FMNL2: variants seen among roughly 807,000 people sequenced by gnomAD.
The protein encoded by FMNL2 is formin-like protein 2.
In FMNL2, 51 loss-of-function variants were observed where a neutral mutation model predicts 130.2. The ratio of observed to expected loss-of-function variants is 0.39; its 90% CI spans 0.31 to 0.49. FMNL2 has a LOEUF of 0.49. Ranked by LOEUF, FMNL2 falls within the 20% of genes least tolerant of loss-of-function variation. The probability of loss-of-function intolerance (pLI) is 0.85; values close to 1 mark genes in which losing one functional copy is unlikely to be tolerated. For synonymous variants in FMNL2, 465 were observed against 467.1 expected (o/e 1.00, Z 0.06); for missense variants, 977 against 1,316.2 (o/e 0.74, Z 3.99).
At position 152,478,064 on chromosome 2, in the gene FMNL2, C is replaced by A. The variant is rs79890409; in HGVS notation, c.118-43879C>A. 5.7e-3 allele frequency among the ~76,000 whole-genome samples: 864 copies of A among 151,470 alleles called. 9 individuals carry two copies. The highest frequency in any genetic ancestry group is 0.02 in the African/African-American group (813 of 41,244). On this transcript the variant is annotated intron_variant, in intron 1 of 25. Transcript: ENST00000288670. ...TTTAAATAGCAGAATCTTTGTTACC[C>A]AAATTAAAAGTTACACAGAACCACA...
At chr2:152,475,521 G>T (rs1475767148) in intron 1 of FMNL2, among the ~76,000 whole-genome samples, 1 of 151,908 alleles carries the variant, frequency 6.6e-6, no homozygotes. Flanking sequence ...TTGAGACAGA[G>T]TCTTGCTCTG....
intron 1 of FMNL2, among the ~76,000 whole-genome samples, chr2:152,519,270 CAT>C (rs1692943019): frequency 6.6e-6 from 1 of 152,192 alleles, no homozygotes; most frequent in African/African-American, 2.4e-5. Context: ...TTGTTTGTTT[CAT>C]ATGTGTCTCC....
intron 1 of FMNL2, among the ~76,000 whole-genome samples, chr2:152,340,060 C>T (rs575169639): frequency 1.3e-5 from 2 of 152,050 alleles, no homozygotes; most frequent in South Asian, 2.1e-4. Flanking sequence ...GTGGCTTGCA[C>T]CTGTAGTCCC....
Position 152,647,967 on chromosome 2 carries a change from A to G in FMNL2, c.*62A>G. The G allele has an allele frequency of 7.5e-7, 1 of 1,334,034 alleles. No homozygotes were observed. Among genetic ancestry groups the G allele is most frequent in the Non-Finnish European group, 1.0e-6 (1 of 961,530 alleles). The allele number at this position is 1,334,034 out of a possible 1,614,324, so 82.6% of individuals were successfully genotyped here. On this transcript the variant is annotated 3_prime_UTR_variant, in exon 26 of 26. Coordinates refer to ENST00000288670, the MANE Select transcript of FMNL2 (RefSeq NM_052905.4). ...GAATGAAACTGCCCACATGAACTTT[A>G]TGTGCTACGATTTAACTGCAGCCTT...
chr2:152,350,238 G>A (rs1682400050), intron 1 of FMNL2, among the ~76,000 whole-genome samples: 1 of 152,126 alleles, frequency 6.6e-6, no homozygotes, highest in Admixed American at 6.5e-5. Flanking sequence ...TGGTTCAGGA[G>A]CAGTTTCCAG....
chr2:152,454,715 G>A (rs560694548), intron 1 of FMNL2, among the ~76,000 whole-genome samples: 22 of 152,268 alleles, frequency 1.4e-4, no homozygotes, highest in Admixed American at 6.5e-4. Context: ...TCAAGGCCTA[G>A]TTCTTCAAGG....
chr2:152,573,714 T>A (rs551092510), intron 6 of FMNL2, among the ~76,000 whole-genome samples: 79 of 152,334 alleles, frequency 5.2e-4, no homozygotes, highest in African/African-American at 1.8e-3. Flanking sequence ...TATAAACAAA[T>A]AATTGGAGAA....
intron 13 of FMNL2, among the ~76,000 whole-genome samples, chr2:152,617,397 G>C (rs980580080): frequency 6.6e-6 from 1 of 152,188 alleles, no homozygotes; most frequent in Non-Finnish European, 1.5e-5. Flanking sequence ...AGATACTGGG[G>C]GTTCAGTATT....
chr2:152,339,956 G>C (rs1416171871), intron 1 of FMNL2, among the ~76,000 whole-genome samples: 19 of 152,126 alleles, frequency 1.2e-4, no homozygotes, highest in Non-Finnish European at 7.4e-5. Context: ...TGAGGTGAGA[G>C]GATCACTTGA....
intron 9 of FMNL2, among the ~76,000 whole-genome samples, chr2:152,591,223 C>T (rs1673797152): frequency 6.6e-6 from 1 of 151,874 alleles, no homozygotes; most frequent in Admixed American, 6.6e-5. Flanking sequence ...ATTGGCCAGA[C>T]TGGTCTCGAA....
At chr2:152,403,313 G>A (rs558366416) in intron 1 of FMNL2, among the ~76,000 whole-genome samples, 79 of 152,066 alleles carry the variant, frequency 5.2e-4, no homozygotes, top group African/African-American at 1.8e-3. Flanking sequence ...TGTGTACAGC[G>A]TACACTTGAG....
chr2:152,408,869 T>C (rs1056665208), intron 1 of FMNL2, among the ~76,000 whole-genome samples: 2 of 152,224 alleles, frequency 1.3e-5, no homozygotes, highest in Admixed American at 6.5e-5. Context: ...ATATCGCTTT[T>C]GCACCATTGT....
intron 1 of FMNL2, among the ~76,000 whole-genome samples, chr2:152,355,311 G>A (rs1682720970): frequency 6.6e-6 from 1 of 152,192 alleles, no homozygotes; most frequent in African/African-American, 2.4e-5. Flanking sequence ...GGAGTTAGAT[G>A]ATATCTTTTT....
chr2:152,484,663 G>A (rs1440262821), intron 1 of FMNL2, among the ~76,000 whole-genome samples: 1 of 152,246 alleles, frequency 6.6e-6, no homozygotes, highest in African/African-American at 2.4e-5. Context: ...TCAGGAGGCT[G>A]AGATGGGAGG....
chr2:152,537,444 G>A (rs1043190791), intron 2 of FMNL2, among the ~76,000 whole-genome samples: 1 of 152,220 alleles, frequency 6.6e-6, no homozygotes, highest in African/African-American at 2.4e-5. Context: ...GTATGGTTAT[G>A]AAAGGCATTA....
At chr2:152,471,657 C>A (rs138197931) in intron 1 of FMNL2, among the ~76,000 whole-genome samples, 1 of 152,128 alleles carries the variant, frequency 6.6e-6, no homozygotes, top group African/African-American at 2.4e-5. Flanking sequence ...TGGCTTCTCA[C>A]ACTCCCTGAA....
chr2:152,574,037 GAC>G (rs1696326846), intron 6 of FMNL2, among the ~76,000 whole-genome samples: 1 of 151,764 alleles, frequency 6.6e-6, no homozygotes, highest in African/African-American at 2.4e-5. Context: ...ATAAAATAAT[GAC>G]AGGGACATTT....
At chr2:152,382,636 G>A (rs1015004584) in intron 1 of FMNL2, among the ~76,000 whole-genome samples, 5 of 150,162 alleles carry the variant, frequency 3.3e-5, no homozygotes, top group African/African-American at 9.8e-5. Context: ...ATCTCAAGTG[G>A]TCTCACCATA....
chr2:152,350,048 C>T (rs1240343073), intron 1 of FMNL2, among the ~76,000 whole-genome samples: 1 of 152,012 alleles, frequency 6.6e-6, no homozygotes, highest in Admixed American at 6.6e-5. Flanking sequence ...GAAGGGGATG[C>T]ACAGGTACAG....
Sources: gnomAD v4.1 joint callset for allele counts (sites outside exome capture counted in the v4.1 genomes callset) on GRCh38, gnomAD v4.1.1 for gene constraint, MANE v1.5 for transcripts, NCBI Gene and HGNC (gene_info 2026-07-23, HGNC 2026-07-21) for gene names.